Variants in ANKRD62 observed in about 807,000 individuals in gnomAD.
The protein encoded by ANKRD62 is ankyrin repeat domain-containing protein 62.
ANKRD62 carries 61 observed loss-of-function variants against 98.8 expected under a neutral mutation model. That is an observed-to-expected ratio of 0.62 (90% CI 0.50 to 0.76). The LOEUF (loss-of-function observed/expected upper bound fraction) is 0.76, where lower values mean the gene tolerates loss of function less well. ANKRD62 is among the 30% of genes least tolerant of loss of function. The pLI is 0.00. For synonymous variants in ANKRD62, 341 were observed against 367.9 expected, an observed-to-expected ratio of 0.93 and a Z score of 0.84; for missense variants, 933 against 1,082.9, an observed-to-expected ratio of 0.86 and a Z score of 1.94.
the ANKRD62 span, among the ~76,000 whole-genome samples, chr18:12,162,582 A>G: frequency 1.3e-5 from 2 of 152,110 alleles, no homozygotes; most frequent in East Asian, 3.8e-4. Flanking sequence ...ATTGCTCAAA[A>G]AAATCTTTGC....
At chr18:12,169,310 A>G in the ANKRD62 span, among the ~76,000 whole-genome samples, 1 of 152,204 alleles carries the variant, frequency 6.6e-6, no homozygotes, top group Non-Finnish European at 1.5e-5. Flanking sequence ...TGTGCCATCA[A>G]TACCTAGTTT....
chr18:12,163,595 G>A, the ANKRD62 span, among the ~76,000 whole-genome samples: 4 of 152,100 alleles, frequency 2.6e-5, no homozygotes, highest in African/African-American at 9.7e-5. Flanking sequence ...CCACATCTTA[G>A]AGGAAAGGTT....
At chr18:12,140,371 T>C in the ANKRD62 span, among the ~76,000 whole-genome samples, 10 of 152,236 alleles carry the variant, frequency 6.6e-5, no homozygotes, top group Non-Finnish European at 1.0e-4. Flanking sequence ...TGTGTCCAGC[T>C]TTGTTCCATT....
the ANKRD62 span, among the ~76,000 whole-genome samples, chr18:12,171,560 C>T: frequency 6.6e-6 from 1 of 152,216 alleles, no homozygotes; most frequent in Non-Finnish European, 1.5e-5. Flanking sequence ...TTCTCTCTGG[C>T]TGCTCTCAGC....
At chr18:12,145,268 G>A in the ANKRD62 span, among the ~76,000 whole-genome samples, 3 of 152,154 alleles carry the variant, frequency 2.0e-5, no homozygotes. Flanking sequence ...AGGTCCCACT[G>A]CTCTGCTACC....
chr18:12,157,936 A>G, the ANKRD62 span, among the ~76,000 whole-genome samples: 1 of 152,194 alleles, frequency 6.6e-6, no homozygotes, highest in Non-Finnish European at 1.5e-5. Context: ...TGAACCCCTT[A>G]TGTTCTTGGA....
intron 10 of ANKRD62, among the ~76,000 whole-genome samples, chr18:12,120,929 C>G (rs960998465): frequency 1.3e-5 from 2 of 151,948 alleles, no homozygotes; most frequent in Non-Finnish European, 2.9e-5. Context: ...TTTTTTGTCC[C>G]AGACAGTTCC....
the ANKRD62 span, among the ~76,000 whole-genome samples, chr18:12,170,423 G>A: frequency 1.3e-5 from 2 of 152,036 alleles, no homozygotes; most frequent in Non-Finnish European, 2.9e-5. Flanking sequence ...GTTCAGTTTC[G>A]ATGTAGTTGT....
chr18:12,138,208 C>T, the ANKRD62 span, among the ~76,000 whole-genome samples: 1 of 152,218 alleles, frequency 6.6e-6, no homozygotes, highest in Non-Finnish European at 1.5e-5. Flanking sequence ...CCTCTACACA[C>T]TGCTTTAAAT....
In ANKRD62 at chr18:12,097,615, C is replaced by T. The variant is rs1909208951; in HGVS notation, c.615-25C>T. The T allele has an allele frequency of 4.6e-6, 7 of 1,517,888 alleles. No homozygotes were observed. In the East Asian group the frequency reaches 1.5e-4, roughly 32 times the overall value. 94.0% of individuals were successfully genotyped at this position (1,517,888 alleles called of 1,614,324 possible). On this transcript the variant is annotated intron_variant, in intron 4 of 13. Transcript: ENST00000587848. ...ACATAGCTTTGCTAAAGTTCCTAAG[C>T]ATGAAATTATCTTTCTTATTTTAGA...
At chr18:12,168,538 C>A in the ANKRD62 span, among the ~76,000 whole-genome samples, 1 of 152,264 alleles carries the variant, frequency 6.6e-6, no homozygotes, top group Admixed American at 6.5e-5. Flanking sequence ...ATTACTGTAG[C>A]CTTGTAGTAT....
At chr18:12,099,523 T>C in intron 5 of ANKRD62, 92 bp from the exon 6 acceptor site, 1 of 708,742 alleles carries the variant, frequency 1.4e-6, no homozygotes, top group Non-Finnish European at 2.1e-6. Flanking sequence ...TCTGATATTG[T>C]TTGATATACT....
At chr18:12,170,552 A>G in the ANKRD62 span, among the ~76,000 whole-genome samples, 1 of 152,160 alleles carries the variant, frequency 6.6e-6, no homozygotes, top group Admixed American at 6.5e-5. Context: ...ACTTCCAACT[A>G]TGTGGTCAAT....
At chr18:12,101,983 C>T (rs534576449) in intron 6 of ANKRD62, 1 of 1,114,912 alleles carries the variant, frequency 9.0e-7, no homozygotes, top group African/African-American at 1.5e-5. Flanking sequence ...AGTATTAAGT[C>T]AGAAAGGTCA....
At chr18:12,157,275 C>G in the ANKRD62 span, among the ~76,000 whole-genome samples, 1 of 152,104 alleles carries the variant, frequency 6.6e-6, no homozygotes, top group African/African-American at 2.4e-5. Flanking sequence ...GAATATGGTT[C>G]TATGGGTTTT....
chr18:12,174,818 T>C, the ANKRD62 span, among the ~76,000 whole-genome samples: 2 of 152,236 alleles, frequency 1.3e-5, no homozygotes, highest in African/African-American at 4.8e-5. Flanking sequence ...GGAATTTGTA[T>C]TGGGCCCAGA....
Position 12,125,795 on chromosome 18 carries a change from T to C in ANKRD62, c.1974T>C (p.Cys658=). The C allele has an allele frequency of 6.5e-7, 1 of 1,549,654 alleles. No homozygotes were observed. The highest frequency in any genetic ancestry group is 8.7e-7 in the Non-Finnish European group (1 of 1,147,142). Residue 658 remains cysteine, a synonymous_variant, in exon 13 of 14, where the codon TGT becomes TGC. Transcript: ENST00000587848. Reference sequence around the variant, plus strand: ...AAACAGAAATGGAATCATACCGTTGTAGACTGGCTGCTGCCCTATGTGATC... The same window carrying C: ...AAACAGAAATGGAATCATACCGTTGCAGACTGGCTGCTGCCCTATGTGATC... ...RLETEMESYR[C]RLAAALCDHD...
intron 6 of ANKRD62, 64 bp from the exon 7 acceptor site, chr18:12,103,094 C>G: frequency 1.8e-6 from 2 of 1,130,574 alleles, no homozygotes; most frequent in Non-Finnish European, 2.3e-6. Flanking sequence ...TTTATAAAGA[C>G]TAAAGTTTTT....
the ANKRD62 span, among the ~76,000 whole-genome samples, chr18:12,155,971 T>C: frequency 6.6e-6 from 1 of 152,206 alleles, no homozygotes; most frequent in African/African-American, 2.4e-5. Flanking sequence ...TTTGCCTTTC[T>C]GTGGTAATGA....
Sources: gnomAD v4.1 joint callset for allele counts (sites outside exome capture counted in the v4.1 genomes callset) on GRCh38, gnomAD v4.1.1 for gene constraint, MANE v1.5 for transcripts, NCBI Gene and HGNC (gene_info 2026-07-23, HGNC 2026-07-21) for gene names.